CABIN1: variants seen among roughly 807,000 people sequenced by gnomAD.
The protein encoded by CABIN1 is calcineurin-binding protein cabin-1.
In CABIN1, 133 loss-of-function variants were observed where a neutral mutation model predicts 227.7. The observed-to-expected ratio is 0.58, with a 90% CI of 0.51 to 0.67. CABIN1 has a LOEUF of 0.67. Ranked by LOEUF, CABIN1 falls within the 30% of genes least tolerant of loss-of-function variation. The probability of loss-of-function intolerance (pLI) is 0.00; values close to 1 mark genes in which losing one functional copy is unlikely to be tolerated. For synonymous variants in CABIN1, 1,086 were observed against 1,155.1 expected, an observed-to-expected ratio of 0.94 and a Z score of 1.21; for missense variants, 2,408 against 2,852.5, an observed-to-expected ratio of 0.84 and a Z score of 3.55.
At chr22:24,176,967 C>T (rs774066876) in intron 35 of CABIN1, among the ~76,000 whole-genome samples, 8 of 152,334 alleles carry the variant, frequency 5.3e-5, no homozygotes, top group Admixed American at 1.3e-4. Flanking sequence ...CCTCCCAGCT[C>T]GTGCAGCTCC....
intron 27 of CABIN1, 76 bp from the exon 28 acceptor site, chr22:24,119,291 C>T (rs557649418): frequency 3.2e-5 from 41 of 1,299,920 alleles, no homozygotes; most frequent in Admixed American, 2.2e-4. Context: ...AAGGCGCCTC[C>T]GTTACTGGTG....
At chr22:24,084,524 CCTT>C (rs1304986812) in intron 20 of CABIN1, 52 bp from the exon 21 acceptor site, 8 of 1,409,454 alleles carry the variant, frequency 5.7e-6, no homozygotes, top group African/African-American at 1.4e-5. Context: ...ATGCAATTTT[CCTT>C]CTTCATTTAC....
intron 31 of CABIN1, among the ~76,000 whole-genome samples, chr22:24,165,929 G>A (rs1351503856): frequency 1.3e-5 from 2 of 152,214 alleles, no homozygotes; most frequent in African/African-American, 4.8e-5. Flanking sequence ...CCTCTCCCTG[G>A]CAGGCTGACC....
intron 18 of CABIN1, among the ~76,000 whole-genome samples, chr22:24,074,770 A>G (rs2040326726): frequency 1.3e-5 from 2 of 152,256 alleles, no homozygotes; most frequent in South Asian, 4.1e-4. Flanking sequence ...GACAAACAGA[A>G]TGAAACAAAA....
chr22:24,043,007 G>T lies in CABIN1; in HGVS notation c.449G>T (p.Gly150Val). 1 of 1,613,986 alleles carries T rather than the reference G, an allele frequency of 6.2e-7. No homozygotes were observed. The highest frequency in any genetic ancestry group is 8.5e-7 in the Non-Finnish European group (1 of 1,179,996). Reference sequence around the variant, plus strand: ...CTGGCTCGCCATGCTTTTGAGGAAGGGCTGCGGTGCAATCCTGACCACTGG... The same window carrying T: ...CTGGCTCGCCATGCTTTTGAGGAAGTGCTGCGGTGCAATCCTGACCACTGG... Reference protein sequence around the residue: ...IPLARHAFEEGLRCNPDHWPC... With the variant: ...IPLARHAFEEVLRCNPDHWPC... Residue 150 changes from glycine to valine, a missense_variant, in exon 6 of 37, where the codon GGG becomes GTG. Gly to Val is a moderately radical substitution (Grantham distance 109). This residue lies in a region of CABIN1 where 1,045 missense variants were observed against 1,168.4 expected (regional missense o/e 0.89). Coordinates refer to ENST00000263119, the MANE Select transcript of CABIN1 (RefSeq NM_012295.4).
chr22:24,068,126 G>A (rs1051544793), intron 16 of CABIN1, among the ~76,000 whole-genome samples: 3 of 152,188 alleles, frequency 2.0e-5, no homozygotes, highest in Non-Finnish European at 4.4e-5. Flanking sequence ...TAGTTAAGAG[G>A]TGCGACTATG....
At position 24,059,362 on chromosome 22, in the gene CABIN1, T is replaced by G. The variant is rs770799756; in HGVS notation, c.1398T>G (p.Ser466=). The G allele has an allele frequency of 6.2e-7, 1 of 1,614,164 alleles. No homozygotes were observed. ...TTGACTCAGCCACATTCATGGAATCTGGTAGGAATCGAGCAGTGTGACCAT... is the reference window on the plus strand; with the variant it reads ...TTGACTCAGCCACATTCATGGAATCGGGTAGGAATCGAGCAGTGTGACCAT... ...LSFDSATFME[S]EKQDVHEFLL... The change falls in exon 11 of 37, where the codon TCT becomes TCG. Residue 466 remains serine (S), a splice_region_variant and synonymous_variant. Coordinates refer to ENST00000263119, the MANE Select transcript of CABIN1 (RefSeq NM_012295.4).
chr22:24,168,778 G>T (rs910076436), intron 33 of CABIN1, among the ~76,000 whole-genome samples: 1 of 152,206 alleles, frequency 6.6e-6, no homozygotes. Context: ...AAGGAGGATG[G>T]CCCCTAGCCA....
intron 4 of CABIN1, 62 bp from the exon 5 acceptor site, chr22:24,041,077 C>T: frequency 6.2e-7 from 1 of 1,610,028 alleles, no homozygotes; most frequent in Non-Finnish European, 8.5e-7. Context: ...GCCAAGTATC[C>T]TGCTGGCTGC....
At chr22:24,102,808 G>A (rs144016092) in intron 26 of CABIN1, among the ~76,000 whole-genome samples, 9 of 152,192 alleles carry the variant, frequency 5.9e-5, no homozygotes, top group East Asian at 5.8e-4. Flanking sequence ...GCACAGAGCC[G>A]CTGAGGAGTC....
At chr22:24,041,408 G>T (rs2037362744) in intron 5 of CABIN1, 135 bp downstream of exon 5, 1 of 1,134,258 alleles carries the variant, frequency 8.8e-7, no homozygotes, top group Non-Finnish European at 1.3e-6. Flanking sequence ...AAGGCTCTAG[G>T]GTAGGTCCAT....
intron 29 of CABIN1, among the ~76,000 whole-genome samples, chr22:24,156,314 G>T (rs990045327): frequency 2.6e-5 from 4 of 152,068 alleles, no homozygotes; most frequent in African/African-American, 9.7e-5. Context: ...GCCGGCGGCG[G>T]GGTGCTGCGC....
intron 3 of CABIN1, 102 bp downstream of exon 3, chr22:24,036,283 G>A (rs2036880843): frequency 1.2e-6 from 1 of 850,648 alleles, no homozygotes; most frequent in African/African-American, 1.7e-5. Context: ...GGCTTTAGGG[G>A]GAAATTCCAT....
At chr22:24,117,131 G>A (rs1469643189) in intron 27 of CABIN1, among the ~76,000 whole-genome samples, 6 of 152,208 alleles carry the variant, frequency 3.9e-5, no homozygotes, top group Non-Finnish European at 7.3e-5. Flanking sequence ...AGTGGATGCT[G>A]TGTGTAAGGC....
chr22:24,158,035 C>G (rs1405403786), intron 29 of CABIN1, among the ~76,000 whole-genome samples: 2 of 152,232 alleles, frequency 1.3e-5, no homozygotes, highest in African/African-American at 4.8e-5. Flanking sequence ...CTCGCCTGTT[C>G]CGAGCACTGA....
intron 26 of CABIN1, among the ~76,000 whole-genome samples, chr22:24,108,222 C>T (rs2042622069): frequency 6.6e-6 from 1 of 152,224 alleles, no homozygotes; most frequent in South Asian, 2.1e-4. Flanking sequence ...CCCTAAGTGG[C>T]AGATCTGGGA....
chr22:24,049,252 C>A, intron 7 of CABIN1, 32 bp downstream of exon 7: 1 of 1,609,170 alleles, frequency 6.2e-7, no homozygotes, highest in Non-Finnish European at 8.5e-7. Context: ...GCCATGTGTG[C>A]ACGCTTACTG....
chr22:24,120,201 C>T (rs1261764580), intron 28 of CABIN1, among the ~76,000 whole-genome samples: 6 of 152,206 alleles, frequency 3.9e-5, no homozygotes, highest in Non-Finnish European at 5.9e-5. Context: ...CCCCTGGGCT[C>T]TTGTCGCTGG....
intron 6 of CABIN1, among the ~76,000 whole-genome samples, chr22:24,047,367 G>A (rs993740200): frequency 5.9e-5 from 9 of 152,220 alleles, no homozygotes; most frequent in African/African-American, 2.2e-4. Context: ...CTGCAGGACT[G>A]TAGGGTGGCT....
Sources: allele counts gnomAD v4.1 joint callset (sites outside exome capture counted in the v4.1 genomes callset), GRCh38; gene constraint gnomAD v4.1.1; regional missense constraint gnomAD v4.1.1; transcripts MANE v1.5; gene names NCBI Gene and HGNC (gene_info 2026-07-23, HGNC 2026-07-21).